The following KLHL1 variants were observed in gnomAD, a reference collection of about 807,000 sequenced individuals.
KLHL1 encodes kelch like family member 1.
Under a neutral mutation model 77.7 loss-of-function variants are expected in KLHL1, and 47 were observed. The ratio of observed to expected loss-of-function variants is 0.60; its 90% confidence interval spans 0.48 to 0.77. The LOEUF is 0.77. KLHL1 is among the 30% of genes least tolerant of loss of function. The pLI is 0.00. For synonymous variants in KLHL1, 360 were observed against 325.2 expected, an observed-to-expected ratio of 1.11 and a Z score of -1.15; for missense variants, 925 against 910.8, an observed-to-expected ratio of 1.02 and a Z score of -0.20.
chr13:69,744,804 G>A (rs1406994086), intron 7 of KLHL1, among the ~76,000 whole-genome samples: 1 of 151,900 alleles, frequency 6.6e-6, no homozygotes, highest in Non-Finnish European at 1.5e-5. Flanking sequence ...AATTAGGTGA[G>A]ATGGTAACAT....
intron 6 of KLHL1, among the ~76,000 whole-genome samples, chr13:69,807,803 G>A (rs1566276763): frequency 6.6e-6 from 1 of 152,162 alleles, no homozygotes; most frequent in Non-Finnish European, 1.5e-5. Flanking sequence ...TGCGAGGAGT[G>A]TTGCTGAAGC....
chr13:69,964,581 A>G (rs530256341), intron 2 of KLHL1, among the ~76,000 whole-genome samples: 5 of 152,208 alleles, frequency 3.3e-5, no homozygotes, highest in African/African-American at 1.2e-4. Flanking sequence ...TTTTCACCAA[A>G]TTAACTCTCT....
intron 2 of KLHL1, among the ~76,000 whole-genome samples, chr13:69,974,786 T>C (rs1489772256): frequency 1.3e-5 from 2 of 152,060 alleles, no homozygotes; most frequent in African/African-American, 4.8e-5. Flanking sequence ...GGATAATTTG[T>C]GGTTTTGCCA....
chr13:69,758,839 AAT>A (rs1325716772), intron 7 of KLHL1, among the ~76,000 whole-genome samples: 3 of 152,180 alleles, frequency 2.0e-5, no homozygotes, highest in Non-Finnish European at 4.4e-5. Flanking sequence ...TTTAATAATT[AAT>A]GTTTCCGTAT....
At chr13:69,894,580 C>A in intron 4 of KLHL1, 1 of 155,304 alleles carries the variant, frequency 6.4e-6, no homozygotes, top group Non-Finnish European at 1.4e-5. Context: ...CAACTTGAAA[C>A]AATTCCCATA....
Position 70,075,331 on chromosome 13 carries a change from AAAAAT to A in KLHL1, c.497+31867_497+31871del, listed in dbSNP as rs558588890. Reference sequence around the variant, plus strand: ...AGAATAAATTAAAAATTTGTCTGGAAAAAATAAAATAAAAAAATAAAAGCTATAAA... The same window carrying A: ...AGAATAAATTAAAAATTTGTCTGGAAAAAATAAAAAAATAAAAGCTATAAA... On this transcript the variant is annotated intron_variant, in intron 1 of 10. Transcript: ENST00000377844. Among the ~76,000 whole-genome samples the A allele has an allele frequency of 2.5e-3, 372 of 151,774 alleles. 4 individuals carry two copies. The highest frequency in any genetic ancestry group is 0.01 in the Middle Eastern group (3 of 294).
At chr13:70,041,898 T>G (rs1389086368) in intron 1 of KLHL1, among the ~76,000 whole-genome samples, 1 of 152,116 alleles carries the variant, frequency 6.6e-6, no homozygotes, top group Non-Finnish European at 1.5e-5. Flanking sequence ...CTTGGCTCCA[T>G]TTGTTGGCAG....
chr13:69,710,173 T>TA (rs899594911), intron 9 of KLHL1, among the ~76,000 whole-genome samples: 1 of 151,848 alleles, frequency 6.6e-6, no homozygotes, highest in African/African-American at 2.4e-5. Context: ...TCCAAAGGTT[T>TA]AAGTTCTTCA....
At chr13:69,988,576 C>T (rs766763366) in intron 1 of KLHL1, among the ~76,000 whole-genome samples, 1 of 152,094 alleles carries the variant, frequency 6.6e-6, no homozygotes, top group Non-Finnish European at 1.5e-5. Flanking sequence ...CACTCTCCAC[C>T]AGTAGAGTGT....
rs139912382 is a variant in KLHL1 at position 69,975,262 on chromosome 13, G to A, written c.680+358C>T. Among the ~76,000 whole-genome samples the A allele has an allele frequency of 2.9e-3, 448 of 151,890 alleles. 3 individuals are homozygous for A. The highest frequency in any genetic ancestry group is 0.011 in the African/African-American group (436 of 41,460). On this transcript the variant is annotated intron_variant, in intron 2 of 10. Transcript: ENST00000377844. Reference sequence around the variant, plus strand: ...TAGCATATTTCATTTCAGATTTTAGGCACAATTCCTGAATTAGCGTGCCTA... The same window carrying A: ...TAGCATATTTCATTTCAGATTTTAGACACAATTCCTGAATTAGCGTGCCTA...
At chr13:70,077,701 A>G (rs886443263) in intron 1 of KLHL1, among the ~76,000 whole-genome samples, 4 of 151,994 alleles carry the variant, frequency 2.6e-5, no homozygotes, top group African/African-American at 9.7e-5. Flanking sequence ...AGTATATGGG[A>G]ACCCTCTGTA....
chr13:70,086,708 C>CT (rs10670182), intron 1 of KLHL1, among the ~76,000 whole-genome samples: 29,576 of 139,634 alleles, frequency 0.21, 3,208 homozygotes, highest in Admixed American at 0.27. Flanking sequence ...CCTTTTCAAA[C>CT]TTTTTTTTTT....
chr13:69,975,631 T>C lies in KLHL1; in HGVS notation c.669A>G (p.Ile223Met). ...GCAGACTACTGTACCTATGTGCAGG[T>C]ATCTTTCGGTTCCCAACAATCAGGA... is the stretch of plus-strand genomic sequence containing the variant. ...DVILIVGNRK[I>M]PAHRLVLSSV... Residue 223 changes from isoleucine to methionine, a missense_variant, in exon 2 of 11, where the codon ATA becomes ATG. Coordinates refer to ENST00000377844, the MANE Select transcript of KLHL1 (RefSeq NM_020866.3). 1.2e-6 allele frequency: 2 copies of C among 1,613,186 alleles called. No homozygotes were observed. Among genetic ancestry groups the C allele is most frequent in the Non-Finnish European group, 1.7e-6 (2 of 1,179,588 alleles).
At chr13:69,910,375 A>C (rs1319744072) in intron 4 of KLHL1, among the ~76,000 whole-genome samples, 1 of 152,056 alleles carries the variant, frequency 6.6e-6, no homozygotes, top group African/African-American at 2.4e-5. Context: ...CATACTAGTC[A>C]TTTCTTGTCT....
At chr13:70,091,370 G>A (rs1448867974) in intron 1 of KLHL1, among the ~76,000 whole-genome samples, 2 of 150,890 alleles carry the variant, frequency 1.3e-5, no homozygotes, top group African/African-American at 2.4e-5. Flanking sequence ...CAGTCTTTTC[G>A]ACTGTTTTTC....
chr13:69,735,687 T>A (rs184485028), intron 8 of KLHL1, among the ~76,000 whole-genome samples: 56 of 151,426 alleles, frequency 3.7e-4, no homozygotes, highest in East Asian at 1.4e-3. Flanking sequence ...TTTTAAAAGA[T>A]AAAAGTACAA....
At chr13:70,055,870 T>G (rs1343167536) in intron 1 of KLHL1, among the ~76,000 whole-genome samples, 2 of 151,242 alleles carry the variant, frequency 1.3e-5, no homozygotes, top group Non-Finnish European at 3.0e-5. Flanking sequence ...CAGATAAAAA[T>G]CACTTTCAGA....
intron 1 of KLHL1, among the ~76,000 whole-genome samples, chr13:70,025,033 G>A (rs952336442): frequency 5.9e-5 from 9 of 151,856 alleles, no homozygotes; most frequent in Non-Finnish European, 7.4e-5. Flanking sequence ...ACTATATTTC[G>A]AATGCATAAG....
intron 4 of KLHL1, among the ~76,000 whole-genome samples, chr13:69,919,686 C>T (rs1156626570): frequency 6.6e-6 from 1 of 152,052 alleles, no homozygotes; most frequent in Non-Finnish European, 1.5e-5. Flanking sequence ...AAGCAGGTCA[C>T]AACAGCCTGA....
Sources: allele counts gnomAD v4.1 joint callset (sites outside exome capture counted in the v4.1 genomes callset), GRCh38; gene constraint gnomAD v4.1.1; transcripts MANE v1.5; gene names NCBI Gene and HGNC (gene_info 2026-07-23, HGNC 2026-07-21).